Variants in TLCD2 observed in about 807,000 individuals in gnomAD.
The protein encoded by TLCD2 is TLC domain containing 2.
In TLCD2, 12 loss-of-function variants were observed where a neutral mutation model predicts 14.0. The ratio of observed to expected loss-of-function variants is 0.86; its 90% CI spans 0.55 to 1.39. The LOEUF is 1.39. Among genes scored for constraint, TLCD2 ranks in the 40% most tolerant of loss-of-function variants. The pLI is 0.00. For missense variants in TLCD2, 360 were observed against 346.8 expected (o/e 1.04, Z -0.30); for synonymous variants, 166 against 156.5 (o/e 1.06, Z -0.45).
In TLCD2 at chr17:1,709,484, C is replaced by T; in HGVS notation, c.342+15G>A. On this transcript the variant is annotated intron_variant, in intron 3 of 3. Transcript: ENST00000330676. ...CTCCTCCCTTCCTGTCTGGCTTCTG[C>T]CCTCAGAGTCTCACCACCAAATGAT... The T allele has an allele frequency of 1.3e-6, 2 of 1,535,472 alleles. No homozygotes were observed. The highest frequency in any genetic ancestry group is 1.7e-6 in the Non-Finnish European group (2 of 1,145,666).
chr17:1,708,045 C>T lies in TLCD2; in HGVS notation c.520G>A (p.Ala174Thr), dbSNP rs1389383210. The T allele has an allele frequency of 1.3e-6, 2 of 1,537,176 alleles. No individual in the cohort carries two copies. Among genetic ancestry groups the T allele is most frequent in the South Asian group, 1.2e-5 (1 of 84,058 alleles). ...VTSWASLATLALFRLVPLGWM... is the reference protein window; with the variant it reads ...VTSWASLATLTLFRLVPLGWM... The stretch of plus-strand genomic sequence containing the variant: ...CCCAGCGGGACCAGGCGGAAGAGGG[C>T]CAAGGTGGCCAAGGAGGCCCAGCTG... Residue 174 changes from alanine to threonine, a missense_variant, in exon 4 of 4, where the codon GCC becomes ACC. Transcript: ENST00000330676.
chr17:1,707,239 T>G lies in TLCD2; in HGVS notation c.*531A>C, dbSNP rs1179990059. 1 of 153,886 alleles carries G rather than the reference T, an allele frequency of 6.5e-6. No individual in the cohort carries two copies. Among genetic ancestry groups the G allele is most frequent in the Non-Finnish European group, 1.4e-5 (1 of 69,260 alleles). 9.5% of individuals were successfully genotyped at this position (153,886 alleles called of 1,614,324 possible). The stretch of plus-strand genomic sequence containing the variant: ...AACCAGAAACATCAGCAGCAATTGC[T>G]GTGGCCCAGGTTCTGTCTCTTGGCA... On this transcript the variant is annotated 3_prime_UTR_variant, in exon 4 of 4. Coordinates refer to ENST00000330676, the MANE Select transcript of TLCD2 (RefSeq NM_001164407.2).
In TLCD2 at chr17:1,709,917, G is replaced by GT. The variant is rs1488007292; in HGVS notation, c.177-32_177-31insA. The GT allele has an allele frequency of 3.9e-6, 6 of 1,521,678 alleles. No individual in the cohort carries two copies. The South Asian group carries it at 7.2e-5, about 18-fold the overall frequency. The allele number at this position is 1,521,678 out of a possible 1,614,324, so 94.3% of individuals were successfully genotyped here. Reference sequence around the variant, plus strand: ...GGCATGGGGTGGGGACATGGGGGGGGGCATGGTCAGCCTCTCGAGGCCCCG... The same window carrying GT: ...GGCATGGGGTGGGGACATGGGGGGGGTGCATGGTCAGCCTCTCGAGGCCCCG... On this transcript the variant is annotated intron_variant, in intron 1 of 3. Transcript: ENST00000330676.
rs1192685528 is a variant in TLCD2, at chr17:1,705,246, A to C, written c.*2524T>G. On this transcript the variant is annotated 3_prime_UTR_variant, in exon 4 of 4. Coordinates refer to ENST00000330676, the MANE Select transcript of TLCD2 (RefSeq NM_001164407.2). ...ATCTCCTGGTCTCTTCTGTCAGTGA[A>C]TCTTCCCACTGACTGCCTCCTCCGC... 1 of 152,236 alleles carries C rather than the reference A, an allele frequency of 6.6e-6. No individual in the cohort carries two copies. The highest frequency in any genetic ancestry group is 1.5e-5 in the Non-Finnish European group (1 of 68,186). 9.4% of individuals were successfully genotyped at this position (152,236 alleles called of 1,614,324 possible). A position where few individuals can be genotyped will look rare whatever the true frequency, so the allele number is the denominator to read the frequency against.
rs1448622965 is a variant in TLCD2, at chr17:1,703,562, C to G, written c.*4208G>C. 1 of 152,170 alleles carries G rather than the reference C, an allele frequency of 6.6e-6. No homozygotes were observed. Among genetic ancestry groups the G allele is most frequent in the Non-Finnish European group, 1.5e-5 (1 of 68,052 alleles). 9.4% of individuals were successfully genotyped at this position (152,170 alleles called of 1,614,324 possible). ...TCCTGAGTAGCTGGGACTACAGGCGCCCGCCACCACGCCCGGCTAATTTTT... is the reference window on the plus strand; with the variant it reads ...TCCTGAGTAGCTGGGACTACAGGCGGCCGCCACCACGCCCGGCTAATTTTT... On this transcript the variant is annotated 3_prime_UTR_variant, in exon 4 of 4. Coordinates refer to ENST00000330676, the MANE Select transcript of TLCD2 (RefSeq NM_001164407.2).
chr17:1,709,970 C>A, intron 1 of TLCD2, 84 bp from the exon 2 acceptor site: 1 of 1,511,076 alleles, frequency 6.6e-7, no homozygotes, highest in Non-Finnish European at 8.8e-7. Flanking sequence ...CGCACCCCCA[C>A]CCCAGTCTCA....
Position 1,710,183 on chromosome 17 carries a change from G to T in TLCD2, c.60C>A (p.His20Gln). 5 of 1,530,904 alleles carry T rather than the reference G, an allele frequency of 3.3e-6. No individual in the cohort carries two copies. Among genetic ancestry groups the T allele is most frequent in the Non-Finnish European group, 3.5e-6 (4 of 1,145,262 alleles). 94.8% of individuals were successfully genotyped at this position (1,530,904 alleles called of 1,614,324 possible). The change falls in exon 1 of 4, where the codon CAC (histidine) becomes CAA (glutamine). Residue 20 changes from histidine to glutamine, a missense_variant. Physicochemically the swap from His to Gln is conservative, Grantham distance 24. Coordinates refer to ENST00000330676, the MANE Select transcript of TLCD2 (RefSeq NM_001164407.2). The surrounding 1 kb of genome is among the most constrained non-coding windows in gnomAD (Gnocchi z 6.1). ...GCGTGGGCAGCCGCCGCAACCCCCAGTGCAGCCCCCGGAACGCGAGGAAGG... is the reference window on the plus strand; with the variant it reads ...GCGTGGGCAGCCGCCGCAACCCCCATTGCAGCCCCCGGAACGCGAGGAAGG... ...GASFLAFRGLHWGLRRLPTPE... is the reference protein window; with the variant it reads ...GASFLAFRGLQWGLRRLPTPE...
In TLCD2 at chr17:1,707,925, T is replaced by C; in HGVS notation, c.640A>G (p.Ser214Gly). ...AGAATACGGATCCCCAATATGATGC[T>C]CATGATGCCCACAGTGACCAGCCCA... ...GIGLVTVGIM[S>G]IILGIRILVN... The change falls in exon 4 of 4, where the codon AGC becomes GGC. Residue 214 changes from serine (S) to glycine (G), a missense_variant. Coordinates refer to ENST00000330676, the MANE Select transcript of TLCD2 (RefSeq NM_001164407.2). 2 of 1,537,262 alleles carry C rather than the reference T, an allele frequency of 1.3e-6. No individual in the cohort carries two copies. Among genetic ancestry groups the C allele is most frequent in the South Asian group, 2.4e-5 (2 of 84,052 alleles).
rs1007730003 is a variant in TLCD2, at chr17:1,707,916, A to G, written c.649T>C (p.Leu217=). ...LVTVGIMSII[L]GIRILVNDVL... Reference sequence around the variant, plus strand: ...TCATTGACCAGAATACGGATCCCCAATATGATGCTCATGATGCCCACAGTG... The same window carrying G: ...TCATTGACCAGAATACGGATCCCCAGTATGATGCTCATGATGCCCACAGTG... The change falls in exon 4 of 4, where the codon TTG becomes CTG. Residue 217 remains leucine (L), a synonymous_variant. Coordinates refer to ENST00000330676, the MANE Select transcript of TLCD2 (RefSeq NM_001164407.2). 1.5e-5 allele frequency: 23 copies of G among 1,537,184 alleles called. No homozygotes were observed. The highest frequency in any genetic ancestry group is 1.7e-4 in the Middle Eastern group (1 of 6,012).
At position 1,708,100 on chromosome 17, in the gene TLCD2, G is replaced by T. The variant is rs562740958; in HGVS notation, c.465C>A (p.Arg155=). 3.6e-5 allele frequency: 56 copies of T among 1,537,138 alleles called. 1 individual carries two copies. The East Asian group carries it at 1.4e-3, about 38-fold the overall frequency. ...CGCTGAAGGCCAGGGATGGGGCCTG[G>T]CGAGAAAGCAACAGCAGCTTCCGCA... The part of the protein sequence containing the change: ...LHLRKLLLLS[R]QAPSLAFSVT... Residue 155 remains arginine, a synonymous_variant, in exon 4 of 4, where the codon CGC becomes CGA. Coordinates refer to ENST00000330676, the MANE Select transcript of TLCD2 (RefSeq NM_001164407.2).
chr17:1,709,893 GCATGGGGTGGGGA>G lies in TLCD2; in HGVS notation c.177-20_177-8del. ...CTGAGGGTACAGTGACAGGCTGGGG[GCATGGGGTGGGGA>G]CATGGGGGGGGGCATGGTCAGCCTC... On this transcript the variant is annotated splice_region_variant and splice_polypyrimidine_tract_variant and intron_variant, in intron 1 of 3. Coordinates refer to ENST00000330676, the MANE Select transcript of TLCD2 (RefSeq NM_001164407.2). 1 of 1,446,006 alleles carries G rather than the reference GCATGGGGTGGGGA, an allele frequency of 6.9e-7. No homozygotes were observed. The highest frequency in any genetic ancestry group is 9.3e-7 in the Non-Finnish European group (1 of 1,069,580). The allele number at this position is 1,446,006 out of a possible 1,614,324, so 89.6% of individuals were successfully genotyped here. A position where few individuals can be genotyped will look rare whatever the true frequency, so the allele number is the denominator to read the frequency against.
chr17:1,709,909 T>TGGG (rs542232539), intron 1 of TLCD2, 23 bp from the exon 2 acceptor site: 51 of 1,128,640 alleles, frequency 4.5e-5, no homozygotes, highest in African/African-American at 3.5e-4. Context: ...GGTGGGGACA[T>TGGG]GGGGGGGGGC....
At position 1,708,079 on chromosome 17, in the gene TLCD2, G is replaced by T. The variant is rs1290815215; in HGVS notation, c.486C>A (p.Phe162Leu). 2 of 1,537,064 alleles carry T rather than the reference G, an allele frequency of 1.3e-6. No individual in the cohort carries two copies. Among genetic ancestry groups the T allele is most frequent in the Non-Finnish European group, 1.7e-6 (2 of 1,146,910 alleles). Residue 162 changes from phenylalanine (F) to leucine (L), a missense_variant, in exon 4 of 4, where the codon TTC becomes TTA. By Grantham distance (22) the Phe-to-Leu change is conservative. Coordinates refer to ENST00000330676, the MANE Select transcript of TLCD2 (RefSeq NM_001164407.2). ...CCAAGGAGGCCCAGCTGGTCACGCT[G>T]AAGGCCAGGGATGGGGCCTGGCGAG... is the stretch of plus-strand genomic sequence containing the variant. Reference protein sequence around the residue: ...LLSRQAPSLAFSVTSWASLAT... With the variant: ...LLSRQAPSLALSVTSWASLAT...
In TLCD2 at chr17:1,708,624, C is replaced by T. The variant is rs375806084; in HGVS notation, c.343-402G>A. 7.6e-4 allele frequency among the ~76,000 whole-genome samples: 116 copies of T among 151,894 alleles called. 2 individuals carry two copies. The highest frequency in any genetic ancestry group is 2.6e-3 in the African/African-American group (107 of 41,420). On this transcript the variant is annotated intron_variant, in intron 3 of 3. Coordinates refer to ENST00000330676, the MANE Select transcript of TLCD2 (RefSeq NM_001164407.2). The stretch of plus-strand genomic sequence containing the variant: ...GCCTCAGCTTCCAGAGTAGCTGGGA[C>T]TACCGGTGCGCGCCACCACACCCAG...
At position 1,707,445 on chromosome 17, in the gene TLCD2, C is replaced by CT. The variant is rs1914068662; in HGVS notation, c.*324dup. The CT allele has an allele frequency of 3.1e-6, 1 of 320,946 alleles. No individual in the cohort carries two copies. The highest frequency in any genetic ancestry group is 2.1e-5 in the African/African-American group (1 of 46,954). The allele number at this position is 320,946 out of a possible 1,614,324, so 19.9% of individuals were successfully genotyped here. A position where few individuals can be genotyped will look rare whatever the true frequency, so the allele number is the denominator to read the frequency against. ...GTCCCTGGGTTAAAGCAAAGAGCTT[C>CT]TGTCTCCACTGGCAGTTTCTTCCAG... On this transcript the variant is annotated 3_prime_UTR_variant, in exon 4 of 4. Transcript: ENST00000330676.
Position 1,703,822 on chromosome 17 carries a change from A to G in TLCD2, c.*3948T>C, listed in dbSNP as rs1913947035. On this transcript the variant is annotated 3_prime_UTR_variant, in exon 4 of 4. Transcript: ENST00000330676. ...AATAGATTCCTCACATGAGTTTGTC[A>G]TATTTCTTTTTCTTTAAAAACTCAA... 1 of 152,186 alleles carries G rather than the reference A, an allele frequency of 6.6e-6. No individual in the cohort carries two copies. The allele number at this position is 152,186 out of a possible 1,614,324, so 9.4% of individuals were successfully genotyped here.
At chr17:1,708,251 A>C (rs4790810) in intron 3 of TLCD2, 29 bp from the exon 4 acceptor site, 1,384,807 of 1,479,084 alleles carry the variant, frequency 0.94, 649,116 homozygotes, top group Admixed American at 0.95. Context: ...GGTCAGAGGA[A>C]CCCCATGACC....
At chr17:1,708,252 C>T in intron 3 of TLCD2, 30 bp from the exon 4 acceptor site, 3 of 1,450,874 alleles carry the variant, frequency 2.1e-6, no homozygotes, top group Non-Finnish European at 2.7e-6. Context: ...GTCAGAGGAA[C>T]CCCATGACCT....
Position 1,707,606 on chromosome 17 carries a change from C to T in TLCD2, c.*164G>A, listed in dbSNP as rs749936643. The stretch of plus-strand genomic sequence containing the variant: ...TCCCACCCATCCAACATCAGCATTT[C>T]TTCTTAGATCCGAGGAAGGGGAAGG... On this transcript the variant is annotated 3_prime_UTR_variant, in exon 4 of 4. Transcript: ENST00000330676. 5.1e-6 allele frequency: 3 copies of T among 584,168 alleles called. No homozygotes were observed. The highest frequency in any genetic ancestry group is 3.2e-4 in the Middle Eastern group (1 of 3,114). 36.2% of individuals were successfully genotyped at this position (584,168 alleles called of 1,614,324 possible). A position where few individuals can be genotyped will look rare whatever the true frequency, so the allele number is the denominator to read the frequency against.
Sources: allele counts gnomAD v4.1 joint callset (sites outside exome capture counted in the v4.1 genomes callset), GRCh38; gene constraint gnomAD v4.1.1; non-coding constraint Gnocchi (gnomAD v3.1); transcripts MANE v1.5; gene names NCBI Gene and HGNC (gene_info 2026-07-23, HGNC 2026-07-21).